BCOR: variants seen among roughly 807,000 people sequenced by gnomAD.
The protein encoded by BCOR is BCL6 corepressor, also known as BCL-6 corepressor.
A neutral mutation model predicts 86.7 loss-of-function variants in BCOR; 10 were observed. That is an observed-to-expected ratio of 0.12 (90% CI 0.07 to 0.20). BCOR has a LOEUF of 0.20. BCOR is among the 10% of genes least tolerant of loss of function. The pLI is 1.00. For missense variants in BCOR, 1,259 were observed against 1,452.1 expected, an observed-to-expected ratio of 0.87 and a Z score of 2.16; for synonymous variants, 611 against 609.0, an observed-to-expected ratio of 1.00 and a Z score of -0.05.
chrX:40,156,199 G>A (rs1203580195), intron 1 of BCOR, among the ~76,000 whole-genome samples: 2 of 112,891 alleles, frequency 1.8e-5, no homozygotes, highest in African/African-American at 3.2e-5. Flanking sequence ...TGGGGGGAAG[G>A]GTAGGGACTC....
At chrX:40,109,830 A>C (rs1282824411) in intron 1 of BCOR, among the ~76,000 whole-genome samples, 2 of 111,595 alleles carry the variant, frequency 1.8e-5, no homozygotes, top group Non-Finnish European at 3.8e-5. Flanking sequence ...TGGAAACTCC[A>C]TGTTTTGAAA....
Position 40,132,296 on chromosome X carries a change from C to A in BCOR, c.-41+44711G>T, listed in dbSNP as rs751236380. On this transcript the variant is annotated intron_variant, in intron 1 of 14. Coordinates refer to the BCOR transcript ENST00000342274. Reference sequence around the variant, plus strand: ...CTGAGTCCGTTCCAGAATTCCTAACCCACAGAATTGTGAACAAAATCAAAG... The same window carrying A: ...CTGAGTCCGTTCCAGAATTCCTAACACACAGAATTGTGAACAAAATCAAAG... Among the ~76,000 whole-genome samples, 5 of 111,925 alleles carry A rather than the reference C, an allele frequency of 4.5e-5. No individual in the cohort carries two copies. The East Asian group carries it at 1.4e-3, about 31-fold the overall frequency.
chrX:40,144,955 A>C (rs902287931), intron 1 of BCOR, among the ~76,000 whole-genome samples: 2 of 110,065 alleles, frequency 1.8e-5, no homozygotes, highest in African/African-American at 6.6e-5. Flanking sequence ...CTTTGGTCTG[A>C]TTGCTAAAAT....
At chrX:40,112,215 G>A (rs995538760) in intron 1 of BCOR, among the ~76,000 whole-genome samples, 3 of 110,805 alleles carry the variant, frequency 2.7e-5, no homozygotes, top group Non-Finnish European at 5.7e-5. Flanking sequence ...AGTTGCCTTG[G>A]GCCTGGATCC....
chrX:40,129,210 G>T (rs1406933207), intron 1 of BCOR, among the ~76,000 whole-genome samples: 2 of 111,927 alleles, frequency 1.8e-5, no homozygotes, highest in Non-Finnish European at 3.8e-5. Context: ...AGTTAGCCGG[G>T]CATGGTGGCT....
chrX:40,066,868 T>A (rs1173853591), intron 6 of BCOR, among the ~76,000 whole-genome samples: 2 of 105,276 alleles, frequency 1.9e-5, no homozygotes, highest in East Asian at 6.1e-4. Flanking sequence ...GCTTAGCCAG[T>A]GTGGGGCCCC....
intron 6 of BCOR, among the ~76,000 whole-genome samples, chrX:40,065,188 C>T (rs2147092224): frequency 8.9e-6 from 1 of 112,162 alleles, no homozygotes; most frequent in African/African-American, 3.2e-5. Flanking sequence ...CTGGGGGGCT[C>T]TGGGCCTACA....
At chrX:40,137,996 A>G (rs967938314) in intron 1 of BCOR, among the ~76,000 whole-genome samples, 11 of 110,671 alleles carry the variant, frequency 9.9e-5, no homozygotes, top group Non-Finnish European at 1.7e-4. Context: ...CTTATTGCCC[A>G]GGCTAGAGTG....
At chrX:40,095,503 G>A (rs1397387129) in intron 1 of BCOR, among the ~76,000 whole-genome samples, 3 of 109,759 alleles carry the variant, frequency 2.7e-5, no homozygotes, top group African/African-American at 1.0e-4. Flanking sequence ...TTACTCCCAG[G>A]CCATTTTAAG....
intron 11 of BCOR, among the ~76,000 whole-genome samples, chrX:40,056,281 T>TAAAAAA (rs60712024): frequency 4.7e-4 from 29 of 61,439 alleles, no homozygotes; most frequent in African/African-American, 1.9e-3. Context: ...TGTCACACAT[T>TAAAAAA]AAAAAAAAAA....
At chrX:40,162,790 G>A (rs1265501944) in intron 1 of BCOR, among the ~76,000 whole-genome samples, 1 of 112,042 alleles carries the variant, frequency 8.9e-6, no homozygotes, top group Non-Finnish European at 1.9e-5. Flanking sequence ...TTTCCACCAC[G>A]TTTCTATCTG....
intron 1 of BCOR, among the ~76,000 whole-genome samples, chrX:40,095,917 A>T (rs2147708496): frequency 9.0e-6 from 1 of 111,699 alleles, no homozygotes; most frequent in Admixed American, 9.3e-5. Context: ...GGAAGGGCCC[A>T]CTCGAGCGTG....
intron 1 of BCOR, among the ~76,000 whole-genome samples, chrX:40,087,759 G>A (rs1936424035): frequency 8.9e-6 from 1 of 112,157 alleles, no homozygotes; most frequent in Admixed American, 9.4e-5. Context: ...CCTTTCGCCT[G>A]CTTAGAGTCC....
intron 1 of BCOR, among the ~76,000 whole-genome samples, chrX:40,106,508 C>T (rs1199394800): frequency 9.0e-6 from 1 of 111,110 alleles, no homozygotes; most frequent in Admixed American, 9.4e-5. Context: ...GCGGGTGACA[C>T]GGAAACATGG....
intron 1 of BCOR, among the ~76,000 whole-genome samples, chrX:40,111,780 G>A (rs1225904140): frequency 9.0e-6 from 1 of 111,482 alleles, no homozygotes; most frequent in African/African-American, 3.3e-5. Flanking sequence ...TTTCTCTGTA[G>A]ATATGCATGT....
At chrX:40,095,681 T>G (rs1936825970) in intron 1 of BCOR, among the ~76,000 whole-genome samples, 1 of 112,194 alleles carries the variant, frequency 8.9e-6, no homozygotes, top group African/African-American at 3.2e-5. Context: ...TGGTTTCTTT[T>G]TAAGGTTTGT....
Position 40,072,832 on chromosome X carries a change from G to A in BCOR, c.2514C>T (p.Pro838=). 1 of 1,211,714 alleles carries A rather than the reference G, an allele frequency of 8.3e-7. No homozygotes were observed. The highest frequency in any genetic ancestry group is 1.1e-6 in the Non-Finnish European group (1 of 895,456). ...GCAGGGCCGGCTCAACTGAGGGCTT[G>A]GGGGGCTCAGCGCTCTGGCCAACAC... is the stretch of plus-strand genomic sequence containing the variant. The part of the protein sequence containing the change: ...AESVGQSAEP[P]KPSVEPALQQ... The change falls in exon 4 of 15, where the codon CCC becomes CCT. Residue 838 remains proline, a synonymous_variant. Coordinates refer to ENST00000378444, the MANE Select transcript of BCOR (RefSeq NM_001123385.2).
chrX:40,119,710 G>A (rs1297003247), intron 1 of BCOR, among the ~76,000 whole-genome samples: 1 of 110,794 alleles, frequency 9.0e-6, no homozygotes, highest in Admixed American at 9.6e-5. Flanking sequence ...CTCCTTGGGG[G>A]CTGGGAACAC....
At chrX:40,086,245 G>A (rs1413275335) in intron 1 of BCOR, among the ~76,000 whole-genome samples, 1 of 112,142 alleles carries the variant, frequency 8.9e-6, no homozygotes, top group Non-Finnish European at 1.9e-5. Flanking sequence ...GAATAACAGG[G>A]CCATTTCAGA....
Sources: gnomAD v4.1 joint callset for allele counts (sites outside exome capture counted in the v4.1 genomes callset) on GRCh38, gnomAD v4.1.1 for gene constraint, MANE v1.5 for transcripts, NCBI Gene and HGNC (gene_info 2026-07-23, HGNC 2026-07-21) for gene names.